SLC8A1: variants seen among roughly 807,000 people sequenced by gnomAD.
SLC8A1 encodes the protein solute carrier family 8 member A1, also known as sodium/calcium exchanger 1.
A neutral mutation model predicts 68.3 loss-of-function variants in SLC8A1; 18 were observed. That is an observed-to-expected ratio of 0.26 (90% CI 0.18 to 0.39). The LOEUF is 0.39. Ranked by LOEUF, SLC8A1 falls within the 10% of genes least tolerant of loss-of-function variation. The pLI, the probability that SLC8A1 is intolerant of heterozygous loss-of-function variation, is 1.00. For missense variants in SLC8A1, 985 were observed against 1,156.7 expected, an observed-to-expected ratio of 0.85 and a Z score of 2.15; for synonymous variants, 475 against 415.5, an observed-to-expected ratio of 1.14 and a Z score of -1.74.
At chr2:40,337,448 AG>A (rs1264860923) in intron 2 of SLC8A1, 1 of 235,850 alleles carries the variant, frequency 4.2e-6, no homozygotes, top group African/African-American at 2.2e-5. Flanking sequence ...GAACCCATGA[AG>A]GAAGTCAGGT....
intron 2 of SLC8A1, among the ~76,000 whole-genome samples, chr2:40,200,198 ATATATATAAATATATATATATT>A (rs2053941374): frequency 1.0e-4 from 1 of 10,026 alleles, no homozygotes; most frequent in African/African-American, 4.2e-4. Context: ...ATATTTATAT[ATATATATAAATATATATATATT>A]TTTTTATATA....
intron 2 of SLC8A1, among the ~76,000 whole-genome samples, chr2:40,220,918 C>T (rs1047312353): frequency 6.6e-6 from 1 of 151,648 alleles, no homozygotes; most frequent in Non-Finnish European, 1.5e-5. Context: ...CAGGACCAGA[C>T]AGATTCATAG....
chr2:40,102,300 A>G (rs2033940142), exon 8 of SLC8A1: 1 of 151,690 alleles, frequency 6.6e-6, no homozygotes, highest in Non-Finnish European at 1.5e-5. Flanking sequence ...CCTCAGGATT[A>G]TTACCATAAC....
At position 40,451,417 on chromosome 2, in the gene SLC8A1, G is replaced by T. The variant is rs944911326; in HGVS notation, c.-25+487C>A. ...GCACCCAACGCCCGCTGGAAAACAG[G>T]GGGCTCGGAAATGTGGCCTTGGGGA... is the stretch of plus-strand genomic sequence containing the variant. On this transcript the variant is annotated intron_variant, in intron 1 of 7. Transcript: ENST00000406785. Among the ~76,000 whole-genome samples the T allele has an allele frequency of 2.6e-5, 4 of 152,266 alleles. No homozygotes were observed. In the East Asian group the frequency reaches 7.8e-4, roughly 30 times the overall value.
intron 2 of SLC8A1, among the ~76,000 whole-genome samples, chr2:40,284,150 T>C (rs1247537548): frequency 1.3e-5 from 2 of 151,974 alleles, no homozygotes; most frequent in African/African-American, 2.4e-5. Flanking sequence ...AAAAGTGTGC[T>C]TTCTCTCTCT....
intron 2 of SLC8A1, among the ~76,000 whole-genome samples, chr2:40,182,521 G>A (rs1573693464): frequency 6.6e-6 from 1 of 152,132 alleles, no homozygotes; most frequent in Non-Finnish European, 1.5e-5. Context: ...GGTTAAGAAA[G>A]ATCAATTTAT....
At chr2:40,421,633 T>C (rs1420185100) in intron 2 of SLC8A1, among the ~76,000 whole-genome samples, 1 of 152,222 alleles carries the variant, frequency 6.6e-6, no homozygotes, top group Non-Finnish European at 1.5e-5. Flanking sequence ...ACTCAGGTTC[T>C]GCTTTTCGTT....
chr2:40,351,585 C>A (rs1326538178), intron 2 of SLC8A1, among the ~76,000 whole-genome samples: 51 of 142,310 alleles, frequency 3.6e-4, no homozygotes, highest in African/African-American at 3.8e-4. Flanking sequence ...ATGTTGCATC[C>A]AAAAAAAAAA....
chr2:40,164,943 C>T, exon 5 of SLC8A1: 1 of 1,614,000 alleles, frequency 6.2e-7, no homozygotes, highest in Non-Finnish European at 8.5e-7. Context: ...CGCCTCTCCT[C>T]TTCCTCTTTG....
intron 2 of SLC8A1, among the ~76,000 whole-genome samples, chr2:40,262,722 G>A (rs985104611): frequency 5.3e-5 from 8 of 152,158 alleles, no homozygotes; most frequent in African/African-American, 1.9e-4. Flanking sequence ...GATTTTGCTC[G>A]AGTAATGCAT....
chr2:40,290,564 A>G (rs898918461), intron 2 of SLC8A1, among the ~76,000 whole-genome samples: 21 of 152,312 alleles, frequency 1.4e-4, no homozygotes, highest in East Asian at 7.7e-4. Flanking sequence ...TTAACTATCC[A>G]TAAGTCCATG....
chr2:40,450,976 G>C (rs772091336), intron 1 of SLC8A1, among the ~76,000 whole-genome samples: 6 of 151,548 alleles, frequency 4.0e-5, no homozygotes, highest in Non-Finnish European at 8.8e-5. Flanking sequence ...TGGTGGGGGG[G>C]ATAGAGAAGA....
At chr2:40,175,480 ATG>A (rs2048311107) in intron 3 of SLC8A1, among the ~76,000 whole-genome samples, 199 bp from the exon 4 acceptor site, 1 of 151,016 alleles carries the variant, frequency 6.6e-6, no homozygotes, top group Non-Finnish European at 1.5e-5. Flanking sequence ...ATTTCTGAAA[ATG>A]TGTGTGATTG....
At chr2:40,454,432 G>A (rs1702870248), upstream of SLC8A1, among the ~76,000 whole-genome samples, 1 of 145,896 alleles carries the variant, frequency 6.9e-6, no homozygotes, top group South Asian at 2.2e-4. Context: ...CAAGAACCCT[G>A]TTCTTTAAAT....
At chr2:40,139,094 G>T (rs2041076989) in intron 7 of SLC8A1, among the ~76,000 whole-genome samples, 1 of 152,092 alleles carries the variant, frequency 6.6e-6, no homozygotes, top group African/African-American at 2.4e-5. Context: ...CTTTTCAAAA[G>T]TGCTCATTGC....
chr2:40,388,400 T>C (rs1173402947), intron 2 of SLC8A1, among the ~76,000 whole-genome samples: 1 of 152,166 alleles, frequency 6.6e-6, no homozygotes, highest in Non-Finnish European at 1.5e-5. Flanking sequence ...TTACTTTTCA[T>C]TCTACAGCAT....
At chr2:40,332,784 G>A (rs1487044998) in intron 2 of SLC8A1, among the ~76,000 whole-genome samples, 1 of 152,156 alleles carries the variant, frequency 6.6e-6, no homozygotes, top group African/African-American at 2.4e-5. Flanking sequence ...ATATTTCCGT[G>A]AATAAAGTAG....
At chr2:40,251,959 CA>C (rs924956139) in intron 2 of SLC8A1, among the ~76,000 whole-genome samples, 1 of 151,810 alleles carries the variant, frequency 6.6e-6, no homozygotes, top group Non-Finnish European at 1.5e-5. Flanking sequence ...TGTATAATAC[CA>C]AAAAATGCTA....
chr2:40,428,823 C>T (rs1697574896), exon 2 of SLC8A1: 1 of 1,613,700 alleles, frequency 6.2e-7, no homozygotes, highest in African/African-American at 1.3e-5. Flanking sequence ...TTTCATCCTC[C>T]TCAAAGATAT....
Sources: allele counts gnomAD v4.1 joint callset (sites outside exome capture counted in the v4.1 genomes callset), GRCh38; gene constraint gnomAD v4.1.1; transcripts MANE v1.5; gene names NCBI Gene and HGNC (gene_info 2026-07-23, HGNC 2026-07-21).